EVC: variants seen among roughly 807,000 people sequenced by gnomAD.
EVC encodes the protein evC complex member EVC.
In EVC, 116 loss-of-function variants were observed where a neutral mutation model predicts 118.9. The observed-to-expected ratio is 0.98, with a 90% CI of 0.84 to 1.14. EVC has a LOEUF of 1.14. Ranked by LOEUF, EVC falls within the 50% of genes most tolerant of loss-of-function variation. EVC has a pLI of 0.00. For synonymous variants in EVC, 619 were observed against 534.7 expected, an observed-to-expected ratio of 1.16 and a Z score of -2.18; for missense variants, 1,401 against 1,246.4, an observed-to-expected ratio of 1.12 and a Z score of -1.87.
At chr4:5,769,948 C>G (rs1031453525) in intron 11 of EVC, among the ~76,000 whole-genome samples, 2 of 152,102 alleles carry the variant, frequency 1.3e-5, no homozygotes, top group African/African-American at 2.4e-5. Context: ...CCCTCAGGCT[C>G]TTTAACTCAC....
At chr4:5,827,177 C>T in the EVC span, among the ~76,000 whole-genome samples, 1 of 152,206 alleles carries the variant, frequency 6.6e-6, no homozygotes, top group South Asian at 2.1e-4. Flanking sequence ...GATATCTGCC[C>T]TCACGGAAGC....
At chr4:5,802,375 C>G (rs1013454427) in intron 16 of EVC, among the ~76,000 whole-genome samples, 4 of 152,138 alleles carry the variant, frequency 2.6e-5, no homozygotes, top group Non-Finnish European at 5.9e-5. Flanking sequence ...CAGGGCTTAT[C>G]TAGGGCAGCA....
chr4:5,825,302 C>A, the EVC span: 1 of 985,152 alleles, frequency 1.0e-6, no homozygotes. The surrounding 1 kb of genome is among the most constrained non-coding windows in gnomAD (Gnocchi z 4.4). Context: ...CTAACATGGA[C>A]CCCCCTCTGC....
chr4:5,767,666 G>T (rs1733151320), intron 11 of EVC, among the ~76,000 whole-genome samples: 1 of 151,998 alleles, frequency 6.6e-6, no homozygotes, highest in South Asian at 2.1e-4. Context: ...CGATTTTCCA[G>T]GTGCCATCTG....
the EVC span, chr4:5,825,908 C>T: frequency 1.8e-5 from 9 of 509,018 alleles, no homozygotes; most frequent in African/African-American, 8.8e-5. The surrounding 1 kb of genome is among the most constrained non-coding windows in gnomAD (Gnocchi z 4.4). Flanking sequence ...CAGACGCACA[C>T]ACCACGCACA....
the EVC span, chr4:5,821,655 CT>C: frequency 9.4e-7 from 1 of 1,065,184 alleles, no homozygotes; most frequent in East Asian, 2.6e-5. The surrounding 1 kb of genome is among the most constrained non-coding windows in gnomAD (Gnocchi z 4.4). Context: ...TTCCCCCTCC[CT>C]CCATCAGCAC....
In EVC at chr4:5,737,118, A is replaced by T. The variant is rs1727816414; in HGVS notation, c.702+3683A>T. ...AACAACCTTATTGCTGATATGGAGAAAGTCTGAGTGGTCTGCATAGAAGAT... is the reference window on the plus strand; with the variant it reads ...AACAACCTTATTGCTGATATGGAGATAGTCTGAGTGGTCTGCATAGAAGAT... On this transcript the variant is annotated intron_variant, in intron 5 of 20. Transcript: ENST00000264956. This position sits in a 1 kb window ranked among gnomAD's most constrained non-coding sequence, Gnocchi z 5.0. Among the ~76,000 whole-genome samples the T allele has an allele frequency of 6.6e-6, 1 of 152,238 alleles. No homozygotes were observed. Among genetic ancestry groups the T allele is most frequent in the African/African-American group, 2.4e-5 (1 of 41,462 alleles).
chr4:5,716,841 T>C (rs1724043728), intron 1 of EVC, among the ~76,000 whole-genome samples: 1 of 152,206 alleles, frequency 6.6e-6, no homozygotes, highest in Non-Finnish European at 1.5e-5. Flanking sequence ...CCATGGTTGC[T>C]GTTGAGAAAA....
chr4:5,763,626 A>G (rs1732414224), intron 11 of EVC, among the ~76,000 whole-genome samples: 1 of 118,860 alleles, frequency 8.4e-6, no homozygotes, highest in Non-Finnish European at 1.8e-5. Flanking sequence ...CATCCCTTGT[A>G]AGTAGGATTC....
At chr4:5,732,803 A>T (rs1488708538) in intron 4 of EVC, among the ~76,000 whole-genome samples, 5 of 152,176 alleles carry the variant, frequency 3.3e-5, no homozygotes, top group African/African-American at 1.2e-4. Context: ...TGAGCTCGGG[A>T]GTTTAAGACC....
chr4:5,752,305 G>A (rs945810304), intron 8 of EVC, among the ~76,000 whole-genome samples: 2 of 152,124 alleles, frequency 1.3e-5, no homozygotes, highest in Non-Finnish European at 2.9e-5. Context: ...GAAATGATGA[G>A]GTGGGGCTGG....
chr4:5,764,982 T>G (rs1732649920), intron 11 of EVC, among the ~76,000 whole-genome samples: 1 of 132,796 alleles, frequency 7.5e-6, no homozygotes, highest in African/African-American at 2.9e-5. Flanking sequence ...CTAGTTCTTT[T>G]AATTGTGATG....
chr4:5,819,995 TGCCCTTGGA>T, the EVC span, among the ~76,000 whole-genome samples: 6 of 152,168 alleles, frequency 3.9e-5, no homozygotes, highest in Non-Finnish European at 8.8e-5. Flanking sequence ...CTGCCTCAAA[TGCCCTTGGA>T]GCTCAGTAAT....
chr4:5,828,046 G>A, the EVC span: 1 of 985,294 alleles, frequency 1.0e-6, no homozygotes, highest in African/African-American at 1.7e-5. Flanking sequence ...AGCCCTGCCT[G>A]CAAGATGCCA....
rs534311891 is a variant in EVC at position 5,770,062 on chromosome 4, C to T, written c.1564-13490C>T. The stretch of plus-strand genomic sequence containing the variant: ...TCAGCCAAGGGAGAGGCATAGGGCT[C>T]GAGGGGGGCTCTCTGCACAGAGCTT... On this transcript the variant is annotated intron_variant, in intron 11 of 20. Transcript: ENST00000264956. 9.9e-5 allele frequency among the ~76,000 whole-genome samples: 15 copies of T among 152,130 alleles called. No individual in the cohort carries two copies. The East Asian group carries it at 1.9e-3, about 20-fold the overall frequency.
At chr4:5,794,305 T>TATTTATATATATATA (rs1713411724) in intron 13 of EVC, among the ~76,000 whole-genome samples, 4 of 96,370 alleles carry the variant, frequency 4.2e-5, no homozygotes, top group Non-Finnish European at 8.8e-5. Flanking sequence ...ATATTTATAT[T>TATTTATATATATATA]TTTATATATT....
Position 5,789,462 on chromosome 4 carries a change from C to T in EVC, c.1777-4146C>T, listed in dbSNP as rs1217596850. On this transcript the variant is annotated intron_variant, in intron 12 of 20. Coordinates refer to ENST00000264956, the MANE Select transcript of EVC (RefSeq NM_153717.3). This position sits in a 1 kb window ranked among gnomAD's most constrained non-coding sequence, Gnocchi z 4.3. ...ACTGCAATGCCCCCCTCACCCCCAGCACTCCAGTGTTTGCCTCGGGAGTTG... is the reference window on the plus strand; with the variant it reads ...ACTGCAATGCCCCCCTCACCCCCAGTACTCCAGTGTTTGCCTCGGGAGTTG... Among the ~76,000 whole-genome samples, 2 of 152,212 alleles carry T rather than the reference C, an allele frequency of 1.3e-5. No individual in the cohort carries two copies. Among genetic ancestry groups the T allele is most frequent in the African/African-American group, 4.8e-5 (2 of 41,456 alleles).
chr4:5,786,300 C>T (rs10027753), intron 12 of EVC, among the ~76,000 whole-genome samples: 2,498 of 152,294 alleles, frequency 0.016, 28 homozygotes, highest in Non-Finnish European at 0.025. Flanking sequence ...TGACAAAACA[C>T]CTGTGATTCA....
At chr4:5,809,766 G>A (rs1716589212) in intron 19 of EVC, among the ~76,000 whole-genome samples, 155 bp downstream of exon 19, 2 of 152,136 alleles carry the variant, frequency 1.3e-5, no homozygotes, top group Admixed American at 6.5e-5. Flanking sequence ...GAGCAGGCTT[G>A]GCTAGGCCAC....
Sources: allele counts gnomAD v4.1 joint callset (sites outside exome capture counted in the v4.1 genomes callset), GRCh38; gene constraint gnomAD v4.1.1; non-coding constraint Gnocchi (gnomAD v3.1); transcripts MANE v1.5; gene names NCBI Gene and HGNC (gene_info 2026-07-23, HGNC 2026-07-21).